The following BARX2 variants were observed in gnomAD, a reference collection of about 807,000 sequenced individuals.
BARX2 encodes homeobox protein BarH-like 2.
A neutral mutation model predicts 25.5 loss-of-function variants in BARX2; 11 were observed. The ratio of observed to expected loss-of-function variants is 0.43; its 90% CI spans 0.27 to 0.71. The LOEUF (loss-of-function observed/expected upper bound fraction) is 0.71, where lower values mean the gene tolerates loss of function less well. Ranked by LOEUF, BARX2 falls within the 30% of genes least tolerant of loss-of-function variation. The pLI is 0.19. For synonymous variants in BARX2, 137 were observed against 149.5 expected (o/e 0.92, Z 0.61); for missense variants, 360 against 359.9 (o/e 1.00, Z 0.00).
intron 3 of BARX2, among the ~76,000 whole-genome samples, chr11:129,450,650 T>C (rs1440164911): frequency 6.6e-6 from 1 of 152,232 alleles, no homozygotes; most frequent in African/African-American, 2.4e-5. Flanking sequence ...CAGTCTTAGA[T>C]AATTTTTTAG....
At chr11:129,397,737 A>T (rs184499658) in intron 1 of BARX2, among the ~76,000 whole-genome samples, 2 of 152,318 alleles carry the variant, frequency 1.3e-5, no homozygotes, top group East Asian at 3.9e-4. Flanking sequence ...GACCAATTCC[A>T]TGATGGGGGA....
upstream of BARX2, among the ~76,000 whole-genome samples, chr11:129,375,294 C>G (rs1861488089): frequency 1.3e-5 from 2 of 152,100 alleles, 1 homozygote; most frequent in South Asian, 4.1e-4. The surrounding 1 kb of genome is among the most constrained non-coding windows in gnomAD (Gnocchi z 4.0). Flanking sequence ...GGGAAACCGT[C>G]CACGCGGGGA....
intron 1 of BARX2, among the ~76,000 whole-genome samples, chr11:129,407,430 C>T (rs1169803947): frequency 6.6e-6 from 1 of 152,184 alleles, no homozygotes; most frequent in African/African-American, 2.4e-5. Context: ...TCTCAATACC[C>T]TCTTTTGCAG....
chr11:129,401,010 G>A (rs950546139), intron 1 of BARX2, among the ~76,000 whole-genome samples: 1 of 152,210 alleles, frequency 6.6e-6, no homozygotes, highest in Non-Finnish European at 1.5e-5. Context: ...TCCTTAAAAT[G>A]TGATTCATGG....
chr11:129,381,064 C>T lies in BARX2; in HGVS notation c.187+4842C>T, dbSNP rs182051087. On this transcript the variant is annotated intron_variant, in intron 1 of 3. Coordinates refer to ENST00000281437, the MANE Select transcript of BARX2 (RefSeq NM_003658.5). ...TGCTGGGATTATAGGCATGAGCCAT[C>T]GCGCCCGCTGTGAAGTCGGTTTTAA... Among the ~76,000 whole-genome samples, 129 of 152,262 alleles carry T rather than the reference C, an allele frequency of 8.5e-4. 1 individual carries two copies. Among genetic ancestry groups the T allele is most frequent in the Admixed American group, 5.4e-3 (83 of 15,298 alleles).
At chr11:129,417,489 C>T (rs1371407588) in intron 1 of BARX2, among the ~76,000 whole-genome samples, 6 of 152,298 alleles carry the variant, frequency 3.9e-5, no homozygotes, top group African/African-American at 1.2e-4. Context: ...TGGGGCCCAA[C>T]GAAAGGAACG....
rs79033047 is a variant in BARX2 at position 129,420,219 on chromosome 11, A to G, written c.188-16532A>G. On this transcript the variant is annotated intron_variant, in intron 1 of 3. Transcript: ENST00000281437. ...TTAGCCAAATTTGGGGAAATTTTCC[A>G]AGCAGAAGCTTTTTGGATTGGCTGT... Among the ~76,000 whole-genome samples, 109 of 152,188 alleles carry G rather than the reference A, an allele frequency of 7.2e-4. No homozygotes were observed. The East Asian group carries it at 0.02, about 28-fold the overall frequency.
chr11:129,449,822 C>A (rs2135418835), intron 3 of BARX2, among the ~76,000 whole-genome samples: 1 of 152,266 alleles, frequency 6.6e-6, no homozygotes, highest in Non-Finnish European at 1.5e-5. Context: ...GGTAAACATG[C>A]AGTGACCATA....
At chr11:129,392,394 A>G (rs1477174042) in intron 1 of BARX2, among the ~76,000 whole-genome samples, 1 of 152,236 alleles carries the variant, frequency 6.6e-6, no homozygotes, top group Non-Finnish European at 1.5e-5. Context: ...TGCAAGGTCG[A>G]TTAATGTCAG....
chr11:129,423,124 T>TC (rs1565517851), intron 1 of BARX2, among the ~76,000 whole-genome samples: 1 of 151,154 alleles, frequency 6.6e-6, no homozygotes, highest in African/African-American at 2.4e-5. Context: ...TGGATTTTTT[T>TC]TTTTTTTCCC....
chr11:129,429,408 C>G (rs760271893), intron 1 of BARX2, among the ~76,000 whole-genome samples: 1 of 151,964 alleles, frequency 6.6e-6, no homozygotes, highest in African/African-American at 2.4e-5. Flanking sequence ...GCCTGTAGTC[C>G]CAGCTACTTG....
At position 129,399,985 on chromosome 11, in the gene BARX2, G is replaced by A. The variant is rs553921018; in HGVS notation, c.187+23763G>A. On this transcript the variant is annotated intron_variant, in intron 1 of 3. Coordinates refer to ENST00000281437, the MANE Select transcript of BARX2 (RefSeq NM_003658.5). ...GTGTCTGAGCCCTGCCTCTGGCCTCGAGTCCAACCTCCTACCTCAGGATTC... is the reference window on the plus strand; with the variant it reads ...GTGTCTGAGCCCTGCCTCTGGCCTCAAGTCCAACCTCCTACCTCAGGATTC... 3.3e-4 allele frequency among the ~76,000 whole-genome samples: 50 copies of A among 152,200 alleles called. 1 individual carries two copies. The South Asian group carries it at 1.0e-2, about 30-fold the overall frequency.
At chr11:129,417,500 C>T (rs747611408) in intron 1 of BARX2, among the ~76,000 whole-genome samples, 116 of 152,206 alleles carry the variant, frequency 7.6e-4, no homozygotes, top group Non-Finnish European at 1.1e-3. Context: ...GAAAGGAACG[C>T]GTGCCTGCAG....
At chr11:129,447,403 CA>C (rs1431505489) in intron 3 of BARX2, among the ~76,000 whole-genome samples, 1 of 152,152 alleles carries the variant, frequency 6.6e-6, no homozygotes, top group African/African-American at 2.4e-5. Context: ...ACCTCTTAGA[CA>C]AGGAGCTCTC....
intron 1 of BARX2, among the ~76,000 whole-genome samples, chr11:129,431,538 C>G (rs1472238345): frequency 6.6e-6 from 1 of 152,174 alleles, no homozygotes; most frequent in Non-Finnish European, 1.5e-5. Context: ...TTTGCATTTC[C>G]TTCATTAGAA....
chr11:129,450,795 A>G (rs1862389187), intron 3 of BARX2, among the ~76,000 whole-genome samples: 1 of 152,114 alleles, frequency 6.6e-6, no homozygotes, highest in Non-Finnish European at 1.5e-5. Flanking sequence ...GCTTGCTACA[A>G]ATATTATTGT....
At chr11:129,392,680 C>T (rs1298370693) in intron 1 of BARX2, among the ~76,000 whole-genome samples, 1 of 151,864 alleles carries the variant, frequency 6.6e-6, no homozygotes, top group East Asian at 1.9e-4. Flanking sequence ...GGTATGATCT[C>T]GGCCCACTGC....
chr11:129,391,856 C>T (rs538362497), intron 1 of BARX2, among the ~76,000 whole-genome samples: 1 of 152,188 alleles, frequency 6.6e-6, no homozygotes, highest in Non-Finnish European at 1.5e-5. Flanking sequence ...CTGAGGATGG[C>T]CCCTGAGGAG....
intron 1 of BARX2, among the ~76,000 whole-genome samples, chr11:129,423,097 G>C (rs2135404590): frequency 6.8e-6 from 1 of 148,114 alleles, no homozygotes; most frequent in East Asian, 2.0e-4. Flanking sequence ...TGTGTAGGGA[G>C]AAGAATGAAA....
Sources: allele counts gnomAD v4.1 joint callset (sites outside exome capture counted in the v4.1 genomes callset), GRCh38; gene constraint gnomAD v4.1.1; non-coding constraint Gnocchi (gnomAD v3.1); transcripts MANE v1.5; gene names NCBI Gene and HGNC (gene_info 2026-07-23, HGNC 2026-07-21).